Variants in PLD5 observed in about 807,000 individuals in gnomAD.
PLD5 encodes phospholipase D family member 5.
A neutral mutation model predicts 61.1 loss-of-function variants in PLD5; 36 were observed. That is an observed-to-expected ratio of 0.59 (90% CI 0.45 to 0.78). The LOEUF (loss-of-function observed/expected upper bound fraction) is 0.78. Ranked by LOEUF, PLD5 falls within the 30% of genes least tolerant of loss-of-function variation. The pLI, the probability that PLD5 is intolerant of heterozygous loss-of-function variation, is 0.00. For missense variants in PLD5, 515 were observed against 644.4 expected (o/e 0.80, Z 2.17); for synonymous variants, 243 against 242.8 (o/e 1.00, Z -0.01).
chr1:242,138,430 G>T (rs1166843103), intron 5 of PLD5, among the ~76,000 whole-genome samples: 2 of 152,098 alleles, frequency 1.3e-5, no homozygotes, highest in Non-Finnish European at 2.9e-5. Flanking sequence ...TATTGCATTA[G>T]ATTAGAAGGG....
chr1:242,210,636 G>C (rs1379596240), intron 5 of PLD5: 2 of 152,542 alleles, frequency 1.3e-5, no homozygotes, highest in Non-Finnish European at 2.9e-5. Flanking sequence ...GCTCATTCTG[G>C]CTCAAAATCA....
rs747440422 is a variant in PLD5 at position 242,107,784 on chromosome 1, C to A, written c.1126G>T (p.Val376Phe). 5 of 1,612,250 alleles carry A rather than the reference C, an allele frequency of 3.1e-6. No individual in the cohort carries two copies. Among genetic ancestry groups the A allele is most frequent in the Non-Finnish European group, 4.2e-6 (5 of 1,179,534 alleles). ...KIREALVLRS[V>F]RVRLLLSFWK... ...AAGCTTAAAAGGAGTCGAACTCTAA[C>A]GCTTCGTAAAACTAATGCTTCTCTT... Residue 376 changes from valine (V) to phenylalanine (F), a missense_variant, in exon 8 of 10, where the codon GTT becomes TTT. Val to Phe is a conservative substitution (Grantham distance 50). Coordinates refer to ENST00000536534, the MANE Select transcript of PLD5 (RefSeq NM_001372062.1).
intron 5 of PLD5, among the ~76,000 whole-genome samples, chr1:242,190,301 A>G (rs927004487): frequency 2.0e-5 from 3 of 151,084 alleles, no homozygotes; most frequent in African/African-American, 7.3e-5. Flanking sequence ...ACCTGCCACC[A>G]CGCCCGGCTA....
chr1:242,449,426 A>T (rs1572174990), intron 1 of PLD5: 28 of 1,535,870 alleles, frequency 1.8e-5, no homozygotes, highest in Non-Finnish European at 2.4e-5. Context: ...GCTGCTTCCC[A>T]CAGCCTCTGG....
Position 242,146,617 on chromosome 1 carries a change from C to T in PLD5, c.736-21952G>A, listed in dbSNP as rs539459212. On this transcript the variant is annotated intron_variant, in intron 5 of 9. Coordinates refer to ENST00000536534, the MANE Select transcript of PLD5 (RefSeq NM_001372062.1). ...TTTATAAGCACTAACAGGAACACTT[C>T]AGATGCTTTTTCTAGAGTTATTTTT... Among the ~76,000 whole-genome samples the T allele has an allele frequency of 1.6e-4, 25 of 152,168 alleles. No homozygotes were observed. The East Asian group carries it at 4.8e-3, about 29-fold the overall frequency.
At chr1:242,156,668 A>G (rs1182943290) in intron 5 of PLD5, among the ~76,000 whole-genome samples, 1 of 152,038 alleles carries the variant, frequency 6.6e-6, no homozygotes, top group Non-Finnish European at 1.5e-5. Flanking sequence ...TTAAGAATGT[A>G]GAATATTAGC....
At chr1:242,339,734 T>C (rs1420059873) in intron 2 of PLD5, among the ~76,000 whole-genome samples, 1 of 152,140 alleles carries the variant, frequency 6.6e-6, no homozygotes, top group Non-Finnish European at 1.5e-5. Flanking sequence ...TCCTCTGAGA[T>C]AAAAATCGAA....
chr1:242,158,991 C>G (rs943400381), intron 5 of PLD5, among the ~76,000 whole-genome samples: 8 of 152,100 alleles, frequency 5.3e-5, no homozygotes, highest in Admixed American at 4.6e-4. Flanking sequence ...ATGTTATCCA[C>G]CTCTGCTATT....
Position 242,220,057 on chromosome 1 carries a change from G to A in PLD5, c.666C>T (p.Ser222=), listed in dbSNP as rs375225001. Residue 222 remains serine, a synonymous_variant, in exon 5 of 10, where the codon TCC becomes TCT. Transcript: ENST00000536534. ...TAYNKGRLQS[S]FWIVDKQHVY... is the part of the protein sequence containing the mutation. ...CGTGCTGTTTGTCCACGATCCAGAA[G>A]GAGGACTGCAGCCGGCCCTTGTTGT... is the stretch of plus-strand genomic sequence containing the variant. 1.2e-4 allele frequency: 196 copies of A among 1,614,094 alleles called. No homozygotes were observed. Among genetic ancestry groups the A allele is most frequent in the Middle Eastern group, 6.6e-4 (4 of 6,084 alleles).
intron 4 of PLD5, among the ~76,000 whole-genome samples, chr1:242,227,481 C>T (rs1233729683): frequency 2.0e-5 from 3 of 152,126 alleles, no homozygotes; most frequent in African/African-American, 7.2e-5. Flanking sequence ...TCTCATGCCT[C>T]AGCCTCCCAA....
intron 4 of PLD5, among the ~76,000 whole-genome samples, chr1:242,229,114 G>A (rs1671136712): frequency 6.6e-6 from 1 of 152,192 alleles, no homozygotes; most frequent in Non-Finnish European, 1.5e-5. Flanking sequence ...TGCACAGGTT[G>A]CATGAGTAAA....
chr1:242,305,016 G>A (rs1003293267), intron 2 of PLD5, among the ~76,000 whole-genome samples: 2 of 152,148 alleles, frequency 1.3e-5, no homozygotes, highest in African/African-American at 2.4e-5. Flanking sequence ...AGAGGTAGGA[G>A]GATCATTTGA....
rs185473305 is a variant in PLD5 at position 242,458,747 on chromosome 1, T to C, written c.189+65341A>G. On this transcript the variant is annotated intron_variant, in intron 1 of 9. Coordinates refer to ENST00000536534, the MANE Select transcript of PLD5 (RefSeq NM_001372062.1). ...AATTACCTGTGTTAATTGTTACTTG[T>C]ATACTTGTATTGACTCATCCTTTAA... Among the ~76,000 whole-genome samples, 119 of 152,376 alleles carry C rather than the reference T, an allele frequency of 7.8e-4. 2 individuals are homozygous for C. The highest frequency in any genetic ancestry group is 1.3e-3 in the Non-Finnish European group (89 of 68,038).
At chr1:242,379,184 G>C (rs930180490) in intron 1 of PLD5, among the ~76,000 whole-genome samples, 1 of 152,184 alleles carries the variant, frequency 6.6e-6, no homozygotes, top group Non-Finnish European at 1.5e-5. Flanking sequence ...CAGGGAGTTT[G>C]CCATTCTGTC....
intron 5 of PLD5, among the ~76,000 whole-genome samples, chr1:242,165,233 T>C (rs983666679): frequency 6.6e-6 from 1 of 152,170 alleles, no homozygotes; most frequent in Non-Finnish European, 1.5e-5. Flanking sequence ...GTTACCATTA[T>C]GCAGCCATAT....
Position 242,261,800 on chromosome 1 carries a change from G to A in PLD5, c.607+3537C>T, listed in dbSNP as rs144242417. Among the ~76,000 whole-genome samples the A allele has an allele frequency of 5.5e-3, 839 of 152,258 alleles. 6 individuals are homozygous for A. The highest frequency in any genetic ancestry group is 0.019 in the African/African-American group (772 of 41,538). ...AGATACAACATGATACGTATCCACC[G>A]GAATGGCTAAAATAAAACAAGGTGC... On this transcript the variant is annotated intron_variant, in intron 4 of 9. Coordinates refer to ENST00000536534, the MANE Select transcript of PLD5 (RefSeq NM_001372062.1).
At chr1:242,323,450 T>C (rs1294664837) in intron 2 of PLD5, among the ~76,000 whole-genome samples, 1 of 152,236 alleles carries the variant, frequency 6.6e-6, no homozygotes, top group Non-Finnish European at 1.5e-5. Context: ...GGCTAATGTC[T>C]TGATTTTAAA....
In PLD5 at chr1:242,104,637, TA is replaced by T. The variant is rs549873280; in HGVS notation, c.1239+3033del. Reference sequence around the variant, plus strand: ...ATGTATGCTTCAGTTCCCATGTCTATAAAATAGGGAAAGTACCTGTTTCACT... The same window carrying T: ...ATGTATGCTTCAGTTCCCATGTCTATAAATAGGGAAAGTACCTGTTTCACT... On this transcript the variant is annotated intron_variant, in intron 8 of 9. Transcript: ENST00000536534. 5.4e-4 allele frequency among the ~76,000 whole-genome samples: 83 copies of T among 152,322 alleles called. 3 individuals are homozygous for T. The South Asian group carries it at 0.016, about 29-fold the overall frequency.
chr1:242,400,178 C>T (rs1663841252), intron 1 of PLD5, among the ~76,000 whole-genome samples: 1 of 125,206 alleles, frequency 8.0e-6, no homozygotes, highest in Non-Finnish European at 1.7e-5. Context: ...CTCTCTCTCT[C>T]AAAAGAAAAG....
Sources: allele counts gnomAD v4.1 joint callset (sites outside exome capture counted in the v4.1 genomes callset), GRCh38; gene constraint gnomAD v4.1.1; transcripts MANE v1.5; gene names NCBI Gene and HGNC (gene_info 2026-07-23, HGNC 2026-07-21).